Variants in HHIP observed in about 807,000 individuals in gnomAD.
HHIP encodes the protein hedgehog interacting protein, also known as hedgehog-interacting protein.
Under a neutral mutation model 74.0 loss-of-function variants are expected in HHIP, and 12 were observed. The ratio of observed to expected loss-of-function variants is 0.16; its 90% confidence interval spans 0.10 to 0.26. HHIP has a LOEUF of 0.26. Among genes scored for constraint, HHIP ranks in the 10% least tolerant of loss-of-function variants. HHIP has a pLI of 1.00. For synonymous variants in HHIP, 309 were observed against 311.6 expected (o/e 0.99, Z 0.09); for missense variants, 788 against 845.0 (o/e 0.93, Z 0.84).
Position 144,652,726 on chromosome 4 carries a change from A to G in HHIP, c.401A>G (p.Asp134Gly), listed in dbSNP as rs759370922. Reference sequence around the variant, plus strand: ...CCTGAGAGAGAAGTCTTGGAAAGAGACCTAGTACTTCCTCTGCTCTGCAAA... The same window carrying G: ...CCTGAGAGAGAAGTCTTGGAAAGAGGCCTAGTACTTCCTCTGCTCTGCAAA... Reference protein sequence around the residue: ...HSPEREVLERDLVLPLLCKDY... With the variant: ...HSPEREVLERGLVLPLLCKDY... Residue 134 changes from aspartate (D) to glycine (G), a missense_variant, in exon 2 of 13, where the codon GAC becomes GGC. By Grantham distance (94) the Asp-to-Gly change is moderately conservative (BLOSUM62 -1). Around this residue, in one of 3 missense-constraint regions of HHIP, gnomAD observed 373 missense variants for 366.4 expected, o/e 1.02. Transcript: ENST00000296575. 1 of 1,612,978 alleles carries G rather than the reference A, an allele frequency of 6.2e-7. No individual in the cohort carries two copies. Among genetic ancestry groups the G allele is most frequent in the Middle Eastern group, 1.7e-4 (1 of 6,054 alleles).
At chr4:144,714,150 ATTG>A (rs1209185277) in intron 8 of HHIP, 72 bp from the exon 9 acceptor site, 2 of 1,283,184 alleles carry the variant, frequency 1.6e-6, no homozygotes, top group Non-Finnish European at 2.2e-6. Flanking sequence ...TACTATAGTA[ATTG>A]TTGTTTGGTG....
At chr4:144,716,485 A>G (rs1360889403) in intron 10 of HHIP, among the ~76,000 whole-genome samples, 1 of 152,178 alleles carries the variant, frequency 6.6e-6, no homozygotes, top group Non-Finnish European at 1.5e-5. Context: ...GGAACCAGAA[A>G]GATACTTCCC....
chr4:144,705,169 A>C (rs773140972), intron 4 of HHIP, among the ~76,000 whole-genome samples: 1 of 152,196 alleles, frequency 6.6e-6, no homozygotes. Context: ...ACCTAAAAAC[A>C]GTTTTCTCTA....
rs1334002539 is a variant in HHIP at position 144,646,809 on chromosome 4, C to T, written c.134C>T (p.Pro45Leu). 2 of 1,614,048 alleles carry T rather than the reference C, an allele frequency of 1.2e-6. No individual in the cohort carries two copies. The highest frequency in any genetic ancestry group is 1.7e-5 in the Admixed American group (1 of 60,006). The change falls in exon 1 of 13, where the codon CCG becomes CTG. Residue 45 changes from proline to leucine, a missense_variant. Transcript: ENST00000296575. ...RRRRCLNGNP[P>L]KRLKRRDRRM... The stretch of plus-strand genomic sequence containing the variant: ...AGAAGGTGCCTGAATGGGAACCCCC[C>T]GAAGCGCCTGAAAAGGAGAGACAGG...
intron 4 of HHIP, among the ~76,000 whole-genome samples, chr4:144,699,323 A>T (rs1729912831): frequency 6.6e-6 from 1 of 152,188 alleles, no homozygotes; most frequent in Non-Finnish European, 1.5e-5. Context: ...CGACTCAGGA[A>T]CAGCCAAATG....
chr4:144,684,895 A>C lies in HHIP; in HGVS notation c.832-21636A>C, dbSNP rs145706787. Among the ~76,000 whole-genome samples, 541 of 152,310 alleles carry C rather than the reference A, an allele frequency of 3.6e-3. 1 individual carries two copies. Among genetic ancestry groups the C allele is most frequent in the Non-Finnish European group, 5.9e-3 (404 of 68,024 alleles). Reference sequence around the variant, plus strand: ...TGCCTGGGTCTTGTACACATATTTCAAATCCTAACTTCATTATCTTGGCCC... The same window carrying C: ...TGCCTGGGTCTTGTACACATATTTCCAATCCTAACTTCATTATCTTGGCCC... On this transcript the variant is annotated intron_variant, in intron 4 of 12. Transcript: ENST00000296575.
chr4:144,691,399 C>A (rs12507436), intron 4 of HHIP, among the ~76,000 whole-genome samples: 70,962 of 151,540 alleles, frequency 0.47, 17,674 homozygotes, highest in South Asian at 0.73. Flanking sequence ...AATATTTTTG[C>A]ATCTGGCAAT....
chr4:144,711,911 C>A, intron 7 of HHIP, 39 bp from the exon 8 acceptor site: 1 of 1,588,108 alleles, frequency 6.3e-7, no homozygotes, highest in Middle Eastern at 1.7e-4. Context: ...TGGAAAAGAT[C>A]ACGGTAGGAA....
intron 11 of HHIP, among the ~76,000 whole-genome samples, chr4:144,733,150 C>T (rs533578763): frequency 7.2e-5 from 11 of 152,314 alleles, no homozygotes; most frequent in East Asian, 3.9e-4. Flanking sequence ...TCCCACCCCA[C>T]CCTTACTCCC....
At chr4:144,656,367 C>A (rs182047957) in intron 2 of HHIP, among the ~76,000 whole-genome samples, 218 of 152,226 alleles carry the variant, frequency 1.4e-3, no homozygotes, top group African/African-American at 5.0e-3. Flanking sequence ...AGGCATTGTA[C>A]CTCTGGAGCC....
chr4:144,672,457 C>T (rs567053421), intron 4 of HHIP, among the ~76,000 whole-genome samples: 38 of 152,144 alleles, frequency 2.5e-4, no homozygotes, highest in African/African-American at 8.9e-4. Flanking sequence ...GTGGACAGTA[C>T]TTGGGGTGGT....
chr4:144,665,974 A>C (rs1400812530), intron 4 of HHIP, among the ~76,000 whole-genome samples: 1 of 152,206 alleles, frequency 6.6e-6, no homozygotes, highest in African/African-American at 2.4e-5. Context: ...GTAATCACTT[A>C]AAACAAGTGA....
At chr4:144,699,236 T>C (rs142733878) in intron 4 of HHIP, among the ~76,000 whole-genome samples, 11 of 152,302 alleles carry the variant, frequency 7.2e-5, no homozygotes, top group Middle Eastern at 3.4e-3. Flanking sequence ...GCCTTCAGCC[T>C]TGGTAATTCA....
chr4:144,652,946 A>G (rs544169474), intron 2 of HHIP, 149 bp downstream of exon 2: 54 of 567,726 alleles, frequency 9.5e-5, no homozygotes, highest in South Asian at 1.6e-4. Flanking sequence ...TTCCAAATTT[A>G]TAACTTTTAC....
chr4:144,724,648 T>TTGTG lies in HHIP; in HGVS notation c.1760+5710_1760+5713dup, dbSNP rs10565498. The stretch of plus-strand genomic sequence containing the variant: ...GGTGAGAACATATATCAGTCTTCTT[T>TTGTG]TGTGTGTGTGTGTGTGTGTGTATAT... On this transcript the variant is annotated intron_variant, in intron 11 of 12. Transcript: ENST00000296575. Among the ~76,000 whole-genome samples the TTGTG allele has an allele frequency of 2.7e-3, 385 of 142,462 alleles. 3 individuals carry two copies. Among genetic ancestry groups the TTGTG allele is most frequent in the Non-Finnish European group, 4.3e-3 (282 of 65,808 alleles). 93.5% of individuals were successfully genotyped at this position (142,462 alleles called of 152,430 possible).
chr4:144,715,297 T>C lies in HHIP; in HGVS notation c.1548-3T>C, dbSNP rs915840908. 6.2e-6 allele frequency: 10 copies of C among 1,612,540 alleles called. No individual in the cohort carries two copies. The highest frequency in any genetic ancestry group is 8.5e-6 in the Non-Finnish European group (10 of 1,178,820). On this transcript the variant is annotated splice_polypyrimidine_tract_variant and splice_region_variant and intron_variant, in intron 9 of 12. Transcript: ENST00000296575. Reference sequence around the variant, plus strand: ...GTAGCTTTATGGTATGTTTCTGTTGTAGGAATTTCCTAACTCTCCAGCAAA... The same window carrying C: ...GTAGCTTTATGGTATGTTTCTGTTGCAGGAATTTCCTAACTCTCCAGCAAA...
At chr4:144,696,540 G>A (rs1192152771) in intron 4 of HHIP, among the ~76,000 whole-genome samples, 1 of 151,868 alleles carries the variant, frequency 6.6e-6, no homozygotes, top group Non-Finnish European at 1.5e-5. Context: ...GTGCTGATAA[G>A]AGAATACAGT....
chr4:144,723,927 T>C (rs563646213), intron 11 of HHIP, among the ~76,000 whole-genome samples: 1 of 152,350 alleles, frequency 6.6e-6, no homozygotes, highest in South Asian at 2.1e-4. Flanking sequence ...TAACCAAAGA[T>C]GAATATACAT....
At chr4:144,653,621 C>T (rs1352007253) in intron 2 of HHIP, among the ~76,000 whole-genome samples, 1 of 151,988 alleles carries the variant, frequency 6.6e-6, no homozygotes, top group African/African-American at 2.4e-5. Context: ...TGGGCAAAGT[C>T]GCACACAAAT....
Sources: allele counts gnomAD v4.1 joint callset (sites outside exome capture counted in the v4.1 genomes callset), GRCh38; gene constraint gnomAD v4.1.1; regional missense constraint gnomAD v4.1.1; transcripts MANE v1.5; gene names NCBI Gene and HGNC (gene_info 2026-07-23, HGNC 2026-07-21).